THSD7B: variants seen among roughly 807,000 people sequenced by gnomAD.
THSD7B encodes the protein thrombospondin type-1 domain-containing protein 7B.
In THSD7B, 138 loss-of-function variants were observed where a neutral mutation model predicts 213.6. The ratio of observed to expected loss-of-function variants is 0.65; its 90% CI spans 0.56 to 0.74. THSD7B has a LOEUF of 0.74. Among genes scored for constraint, THSD7B ranks in the 30% least tolerant of loss-of-function variants. The pLI, the probability that THSD7B is intolerant of heterozygous loss-of-function variation, is 0.00. For synonymous variants in THSD7B, 742 were observed against 687.0 expected, an observed-to-expected ratio of 1.08 and a Z score of -1.25; for missense variants, 1,931 against 1,991.5, an observed-to-expected ratio of 0.97 and a Z score of 0.58.
At position 136,888,808 on chromosome 2, in the gene THSD7B, T is replaced by C. The variant is rs574560652; in HGVS notation, c.139+6491T>C. 2.6e-5 allele frequency among the ~76,000 whole-genome samples: 4 copies of C among 152,302 alleles called. No homozygotes were observed. The South Asian group carries it at 8.3e-4, about 32-fold the overall frequency. On this transcript the variant is annotated intron_variant, in intron 2 of 27. Coordinates refer to ENST00000409968, the MANE Select transcript of THSD7B (RefSeq NM_001316349.2). ...AAGTAGTATTAAAATATAGGCTCCC[T>C]GAGGACAGGGCATTTTGCTGGTTTT...
intron 3 of THSD7B, among the ~76,000 whole-genome samples, chr2:137,060,099 C>T (rs768704093): frequency 6.6e-5 from 10 of 151,960 alleles, no homozygotes; most frequent in South Asian, 2.1e-4. Context: ...TTTTAAATTG[C>T]GATTCCTTAA....
intron 10 of THSD7B, among the ~76,000 whole-genome samples, chr2:137,269,119 C>A: frequency 6.6e-6 from 1 of 152,110 alleles, no homozygotes; most frequent in African/African-American, 2.4e-5. Flanking sequence ...GTTTCCCTAG[C>A]TTAAGATCCT....
rs150285113 is a variant in THSD7B, at chr2:137,057,434, T to G, written c.950+204T>G. On this transcript the variant is annotated intron_variant, in intron 3 of 27. Transcript: ENST00000409968. Reference sequence around the variant, plus strand: ...TTTAGACCAAGCAGTGTTCTAGCATTCTTGTGTGATTAGTAATGCAATTAT... The same window carrying G: ...TTTAGACCAAGCAGTGTTCTAGCATGCTTGTGTGATTAGTAATGCAATTAT... 2.6e-3 allele frequency among the ~76,000 whole-genome samples: 395 copies of G among 152,266 alleles called. 4 individuals carry two copies. The highest frequency in any genetic ancestry group is 8.6e-3 in the African/African-American group (358 of 41,542).
chr2:137,063,419 T>C (rs1287579810), intron 3 of THSD7B, among the ~76,000 whole-genome samples: 1 of 152,158 alleles, frequency 6.6e-6, no homozygotes, highest in Non-Finnish European at 1.5e-5. Context: ...AGTAGGTGTA[T>C]ATATTTATGG....
intron 5 of THSD7B, among the ~76,000 whole-genome samples, chr2:137,121,387 G>A (rs1688543200): frequency 6.6e-6 from 1 of 152,156 alleles, no homozygotes; most frequent in Non-Finnish European, 1.5e-5. Context: ...TGTGAGTCCT[G>A]TTTAATTTGA....
chr2:137,392,661 A>G (rs1289072248), intron 12 of THSD7B, among the ~76,000 whole-genome samples: 1 of 152,048 alleles, frequency 6.6e-6, no homozygotes, highest in African/African-American at 2.4e-5. Flanking sequence ...GTTTTTTATA[A>G]GCAATATATG....
In THSD7B at chr2:137,362,606, C is replaced by A. The variant is rs184548113; in HGVS notation, c.2501-43007C>A. ...AATCCTCGTCTCTGACAAAAACAGT[C>A]TTTAAACCAACAAAGATCAAAAGAG... On this transcript the variant is annotated intron_variant, in intron 12 of 27. Coordinates refer to ENST00000409968, the MANE Select transcript of THSD7B (RefSeq NM_001316349.2). Among the ~76,000 whole-genome samples, 1,360 of 152,186 alleles carry A rather than the reference C, an allele frequency of 8.9e-3. 30 individuals carry two copies. The highest frequency in any genetic ancestry group is 0.031 in the African/African-American group (1,285 of 41,500).
chr2:136,960,708 G>A (rs1685201876), intron 2 of THSD7B, among the ~76,000 whole-genome samples: 1 of 151,996 alleles, frequency 6.6e-6, no homozygotes, highest in African/African-American at 2.4e-5. Context: ...AGTCATTCTG[G>A]AGCTGCCACA....
chr2:137,392,764 A>G (rs1686063742), intron 12 of THSD7B, among the ~76,000 whole-genome samples: 1 of 152,096 alleles, frequency 6.6e-6, no homozygotes, highest in Non-Finnish European at 1.5e-5. Flanking sequence ...AAAGGAATGT[A>G]AATTTAATCT....
intron 12 of THSD7B, among the ~76,000 whole-genome samples, chr2:137,348,374 CT>C (rs1684925967): frequency 6.6e-6 from 1 of 151,670 alleles, no homozygotes; most frequent in African/African-American, 2.4e-5. Flanking sequence ...TGTGTTTTCT[CT>C]GGTTTTTGAT....
intron 2 of THSD7B, among the ~76,000 whole-genome samples, chr2:136,967,106 A>G (rs1158394446): frequency 3.9e-5 from 6 of 152,168 alleles, no homozygotes; most frequent in Non-Finnish European, 8.8e-5. Context: ...TCAGCATGGT[A>G]TCCTGCAGGT....
chr2:137,421,216 C>T (rs1176059656), intron 14 of THSD7B, among the ~76,000 whole-genome samples: 1 of 152,226 alleles, frequency 6.6e-6, no homozygotes, highest in East Asian at 1.9e-4. Context: ...GGAGTTTTTC[C>T]CCCACACACC....
At chr2:136,858,908 T>C (rs1558828604) in intron 1 of THSD7B, among the ~76,000 whole-genome samples, 1 of 152,146 alleles carries the variant, frequency 6.6e-6, no homozygotes, top group Admixed American at 6.5e-5. Context: ...AATTGAACCA[T>C]AATGGGAGTG....
intron 15 of THSD7B, among the ~76,000 whole-genome samples, chr2:137,523,765 C>T (rs1303659505): frequency 6.6e-6 from 1 of 151,850 alleles, no homozygotes; most frequent in African/African-American, 2.4e-5. Context: ...TCTTGCCATC[C>T]CCACTTATAG....
rs541449578 is a variant in THSD7B, at chr2:137,646,961, C to T, written c.3945+4328C>T. 3.3e-5 allele frequency among the ~76,000 whole-genome samples: 5 copies of T among 152,164 alleles called. No individual in the cohort carries two copies. In the East Asian group the frequency reaches 7.7e-4, roughly 23 times the overall value. On this transcript the variant is annotated intron_variant, in intron 21 of 27. Transcript: ENST00000409968. ...CCCTTTTTCTTTTGTGCCGGTATGT[C>T]TTTGAGTCACAACTTCTCTATGTTA...
chr2:137,389,557 G>A (rs71419545), intron 12 of THSD7B, among the ~76,000 whole-genome samples: 1 of 151,280 alleles, frequency 6.6e-6, no homozygotes, highest in East Asian at 1.9e-4. Context: ...TTGCTGTGCA[G>A]AAACTTTTTA....
chr2:137,112,166 G>C (rs1445245761), intron 4 of THSD7B, among the ~76,000 whole-genome samples: 1 of 152,126 alleles, frequency 6.6e-6, no homozygotes, highest in Non-Finnish European at 1.5e-5. Flanking sequence ...GGTTGGAGCA[G>C]CTCAGGATGT....
At chr2:136,796,138 G>A (rs926030379) in intron 1 of THSD7B, among the ~76,000 whole-genome samples, 1 of 150,986 alleles carries the variant, frequency 6.6e-6, no homozygotes, top group Non-Finnish European at 1.5e-5. Flanking sequence ...ATTTTGAAAT[G>A]TATCCCTTTT....
At chr2:137,311,584 C>A (rs182480446) in intron 12 of THSD7B, among the ~76,000 whole-genome samples, 5 of 152,042 alleles carry the variant, frequency 3.3e-5, no homozygotes, top group South Asian at 2.1e-4. Context: ...CTCTTGTGCC[C>A]GTTTTCAAAG....
Sources: allele counts gnomAD v4.1 joint callset (sites outside exome capture counted in the v4.1 genomes callset), GRCh38; gene constraint gnomAD v4.1.1; transcripts MANE v1.5; gene names NCBI Gene and HGNC (gene_info 2026-07-23, HGNC 2026-07-21).